The following POU2F2 variants were observed in gnomAD, a reference collection of about 807,000 sequenced individuals.
POU2F2 encodes POU domain, class 2, transcription factor 2.
A neutral mutation model predicts 63.5 loss-of-function variants in POU2F2; 14 were observed. The observed-to-expected ratio is 0.22, with a 90% CI of 0.15 to 0.34. POU2F2 has a LOEUF of 0.34. POU2F2 is among the 10% of genes least tolerant of loss of function. The pLI, the probability that POU2F2 is intolerant of heterozygous loss-of-function variation, is 1.00. For synonymous variants in POU2F2, 306 were observed against 348.6 expected (o/e 0.88, Z 1.36); for missense variants, 607 against 815.2 (o/e 0.74, Z 3.11).
upstream of POU2F2, among the ~76,000 whole-genome samples, chr19:42,196,916 A>C (rs2035155853): frequency 6.6e-6 from 1 of 152,102 alleles, no homozygotes; most frequent in South Asian, 2.1e-4. Context: ...GTTAAGGGGG[A>C]GGTGACCCAG....
At chr19:42,163,067 G>T (rs2034582095) in intron 1 of POU2F2, among the ~76,000 whole-genome samples, 1 of 152,134 alleles carries the variant, frequency 6.6e-6, no homozygotes, top group African/African-American at 2.4e-5. Flanking sequence ...ACAGCCAAGT[G>T]GGGGCACCTC....
At position 42,122,181 on chromosome 19, in the gene POU2F2, T is replaced by C. The variant is rs1053093393; in HGVS notation, c.131A>G (p.Asn44Ser). The C allele has an allele frequency of 1.9e-6, 3 of 1,612,408 alleles. No homozygotes were observed. The Admixed American group carries it at 5.0e-5, about 27-fold the overall frequency. The change falls in exon 4 of 15, where the codon AAC (asparagine) becomes AGC (serine). Residue 44 changes from asparagine to serine, a missense_variant and splice_region_variant. Around this residue, in one of 7 missense-constraint regions of POU2F2, gnomAD observed 224 missense variants for 264.3 expected, o/e 0.85. Transcript: ENST00000692977. ...GAATGGGGAGGTCTTATTTTGGGGG[T>C]TCTGCAAAGAGAAAGTAGGAGCAAG... ...ERNGPDTNHQ[N>S]PQNKTSPFSV...
rs1427976724 is a variant in POU2F2 at position 42,093,908 on chromosome 19, G to A, written c.1198-13C>T. The stretch of plus-strand genomic sequence containing the variant: ...CTTGGGGTGTGACCTGAGGAGAGAA[G>A]AAAGGAGGTGTGGTTAGCCACTGTC... On this transcript the variant is annotated splice_polypyrimidine_tract_variant and intron_variant, in intron 11 of 14. Coordinates refer to ENST00000692977, the MANE Select transcript of POU2F2 (RefSeq NM_001394376.1). 6.2e-7 allele frequency: 1 copy of A among 1,605,418 alleles called. No individual in the cohort carries two copies. Among genetic ancestry groups the A allele is most frequent in the South Asian group, 1.1e-5 (1 of 90,488 alleles).
In POU2F2 at chr19:42,169,150, G is replaced by A. The variant is rs2034707611; in HGVS notation, c.-70+6813C>T. The stretch of plus-strand genomic sequence containing the variant: ...TACCTATTTTGTTTTGCTTTAGGGG[G>A]ATGAGGCTAGCCTGGGGGGTGTTTG... On this transcript the variant is annotated intron_variant, in intron 1 of 6. Transcript: ENST00000524801. This position sits in a 1 kb window ranked among gnomAD's most constrained non-coding sequence, Gnocchi z 4.3. Among the ~76,000 whole-genome samples the A allele has an allele frequency of 6.6e-6, 1 of 152,144 alleles. No individual in the cohort carries two copies. Among genetic ancestry groups the A allele is most frequent in the Admixed American group, 6.5e-5 (1 of 15,288 alleles).
chr19:42,112,665 C>T (rs912419944), intron 5 of POU2F2, among the ~76,000 whole-genome samples: 11 of 152,172 alleles, frequency 7.2e-5, no homozygotes, highest in African/African-American at 2.4e-4. Flanking sequence ...CCACCCTGCC[C>T]GGCCCAGGGG....
At chr19:42,125,506 G>A (rs1208419486) in intron 1 of POU2F2, among the ~76,000 whole-genome samples, 1 of 152,150 alleles carries the variant, frequency 6.6e-6, no homozygotes, top group East Asian at 1.9e-4. Context: ...AGGACAAGAA[G>A]GGAGCTGGGC....
chr19:42,133,678 A>T (rs2033912334), upstream of POU2F2, among the ~76,000 whole-genome samples: 1 of 152,058 alleles, frequency 6.6e-6, no homozygotes, highest in East Asian at 1.9e-4. The surrounding 1 kb of genome is among the most constrained non-coding windows in gnomAD (Gnocchi z 5.1). Flanking sequence ...CTATGTGCAC[A>T]GGCCCCAACA....
At chr19:42,173,677 TC>T (rs2034815055) in intron 1 of POU2F2, among the ~76,000 whole-genome samples, 1 of 151,986 alleles carries the variant, frequency 6.6e-6, no homozygotes, top group Admixed American at 6.6e-5. Context: ...CTGAGTTCTT[TC>T]CCTACTACAG....
chr19:42,099,879 C>G (rs2099912827), intron 5 of POU2F2, 58 bp from the exon 6 acceptor site: 1 of 1,383,100 alleles, frequency 7.2e-7, no homozygotes, highest in Non-Finnish European at 1.0e-6. Flanking sequence ...GTTTCATCCT[C>G]TCTGCATCAC....
upstream of POU2F2, among the ~76,000 whole-genome samples, chr19:42,197,427 A>G (rs1420097047): frequency 6.6e-6 from 1 of 151,970 alleles, no homozygotes; most frequent in African/African-American, 2.4e-5. Context: ...GCTGGATAGG[A>G]CTCACGACTA....
chr19:42,122,281 C>A (rs764935909), intron 3 of POU2F2, 63 bp downstream of exon 3: 8 of 1,525,386 alleles, frequency 5.2e-6, no homozygotes. Flanking sequence ...CGGCACAGAG[C>A]CCCCTCTGAA....
chr19:42,175,154 C>T (rs752860251), intron 1 of POU2F2, among the ~76,000 whole-genome samples: 1 of 152,172 alleles, frequency 6.6e-6, no homozygotes, highest in Non-Finnish European at 1.5e-5. Context: ...TCTTCCCCTC[C>T]CCCTCCCAGA....
At chr19:42,172,742 T>C (rs188496243) in intron 1 of POU2F2, among the ~76,000 whole-genome samples, 119 of 152,228 alleles carry the variant, frequency 7.8e-4, no homozygotes, top group African/African-American at 2.8e-3. Flanking sequence ...TGGCTCTCCC[T>C]TCAGGATATA....
intron 1 of POU2F2, among the ~76,000 whole-genome samples, chr19:42,175,330 C>T (rs2034852940): frequency 1.3e-5 from 2 of 152,158 alleles, no homozygotes; most frequent in Admixed American, 1.3e-4. Flanking sequence ...GTTGGGGATT[C>T]CTGCCTTTGC....
chr19:42,149,975 G>A (rs1227427923), intron 2 of POU2F2, among the ~76,000 whole-genome samples: 2 of 152,190 alleles, frequency 1.3e-5, no homozygotes, highest in Non-Finnish European at 2.9e-5. Context: ...ACAGGCCCTG[G>A]GGGACTGAGA....
chr19:42,116,742 G>T (rs746866205), intron 5 of POU2F2: 22 of 349,812 alleles, frequency 6.3e-5, no homozygotes, highest in Non-Finnish European at 1.0e-4. Context: ...GGGACAAGGT[G>T]AGCTGTGGGG....
At chr19:42,142,652 A>AC (rs1449123749) in intron 2 of POU2F2, among the ~76,000 whole-genome samples, 1 of 150,594 alleles carries the variant, frequency 6.6e-6, no homozygotes, top group Non-Finnish European at 1.5e-5. Context: ...TGCAACTGCC[A>AC]CCCCCCAGCA....
chr19:42,143,910 G>A (rs2034179782), intron 2 of POU2F2, among the ~76,000 whole-genome samples: 1 of 151,978 alleles, frequency 6.6e-6, no homozygotes, highest in Non-Finnish European at 1.5e-5. Context: ...CCTCTACCAG[G>A]TTGCACTTTC....
At chr19:42,121,439 G>A (rs1480890227) in intron 4 of POU2F2, among the ~76,000 whole-genome samples, 2 of 152,110 alleles carry the variant, frequency 1.3e-5, no homozygotes, top group Non-Finnish European at 2.9e-5. Context: ...GAGGGGAAGT[G>A]ACTTTCCCAT....
Sources: allele counts gnomAD v4.1 joint callset (sites outside exome capture counted in the v4.1 genomes callset), GRCh38; gene constraint gnomAD v4.1.1; regional missense constraint gnomAD v4.1.1; non-coding constraint Gnocchi (gnomAD v3.1); transcripts MANE v1.5; gene names NCBI Gene and HGNC (gene_info 2026-07-23, HGNC 2026-07-21).